CALN1: variants seen among roughly 807,000 people sequenced by gnomAD.
CALN1 encodes the protein calneuron 1, also known as calcium-binding protein 8.
Under a neutral mutation model 30.6 loss-of-function variants are expected in CALN1, and 17 were observed. The observed-to-expected ratio is 0.56, with a 90% CI of 0.38 to 0.83. The LOEUF (loss-of-function observed/expected upper bound fraction) is 0.83, where lower values mean the gene tolerates loss of function less well. Among genes scored for constraint, CALN1 ranks in the 40% least tolerant of loss-of-function variants. The pLI, the probability that CALN1 is intolerant of heterozygous loss-of-function variation, is 0.00. For missense variants in CALN1, 291 were observed against 354.9 expected (o/e 0.82, Z 1.45); for synonymous variants, 156 against 131.4 (o/e 1.19, Z -1.28).
chr7:72,299,383 G>A (rs770790578), intron 2 of CALN1, among the ~76,000 whole-genome samples: 4 of 151,880 alleles, frequency 2.6e-5, no homozygotes, highest in Admixed American at 6.6e-5. Flanking sequence ...TATTTAAGAG[G>A]AGAAAAACTA....
chr7:72,462,756 G>A, the CALN1 span, among the ~76,000 whole-genome samples: 41 of 152,292 alleles, frequency 2.7e-4, 2 homozygotes, highest in Admixed American at 2.6e-3. Flanking sequence ...AGTGTCTGTG[G>A]AAGAGGAGAG....
At chr7:71,853,740 T>C (rs7794887) in intron 5 of CALN1, among the ~76,000 whole-genome samples, 77,245 of 146,092 alleles carry the variant, frequency 0.53, 20,826 homozygotes, top group East Asian at 0.82. Flanking sequence ...CCACCACACC[T>C]GGCTAATTTT....
intron 3 of CALN1, among the ~76,000 whole-genome samples, chr7:72,121,116 A>G (rs1289987056): frequency 5.5e-5 from 8 of 146,676 alleles, no homozygotes; most frequent in Admixed American, 6.9e-5. Context: ...TATAAAATCT[A>G]TATCTATTAT....
At chr7:72,500,754 T>C in the CALN1 span, among the ~76,000 whole-genome samples, 1 of 152,200 alleles carries the variant, frequency 6.6e-6, no homozygotes, top group Admixed American at 6.5e-5. Context: ...GGCACTAATG[T>C]TATTATCTTA....
At chr7:71,836,848 C>T (rs1789641803) in intron 5 of CALN1, among the ~76,000 whole-genome samples, 1 of 151,590 alleles carries the variant, frequency 6.6e-6, no homozygotes, top group South Asian at 2.1e-4. Context: ...AAACTCCCAA[C>T]CTCAAGTCAT....
intron 5 of CALN1, among the ~76,000 whole-genome samples, chr7:71,848,076 G>C (rs1454249881): frequency 6.6e-6 from 1 of 152,194 alleles, no homozygotes; most frequent in Admixed American, 6.5e-5. Flanking sequence ...TGGGCACCCT[G>C]TTGTCTAGTC....
intron 5 of CALN1, among the ~76,000 whole-genome samples, chr7:71,832,217 A>G (rs557434039): frequency 1.6e-4 from 25 of 152,282 alleles, no homozygotes; most frequent in Admixed American, 1.3e-3. Flanking sequence ...GCATTCAGCA[A>G]AGCAAGAGGA....
At chr7:72,504,262 T>A in the CALN1 span, among the ~76,000 whole-genome samples, 1 of 152,270 alleles carries the variant, frequency 6.6e-6, no homozygotes, top group East Asian at 1.9e-4. Context: ...TGAGTCTATT[T>A]CCATGATGAA....
intron 2 of CALN1, among the ~76,000 whole-genome samples, chr7:72,353,913 G>A (rs551760795): frequency 3.5e-4 from 54 of 152,276 alleles, no homozygotes; most frequent in African/African-American, 1.2e-3. Context: ...CAGGCCGGGC[G>A]TAGTGGCTCA....
intron 3 of CALN1, among the ~76,000 whole-genome samples, chr7:72,119,391 A>T (rs976644247): frequency 6.6e-6 from 1 of 152,180 alleles, no homozygotes; most frequent in African/African-American, 2.4e-5. Flanking sequence ...AGCGCAGGAA[A>T]GACCTGACCC....
At chr7:72,210,094 C>A (rs1472127767) in intron 3 of CALN1, among the ~76,000 whole-genome samples, 1 of 152,146 alleles carries the variant, frequency 6.6e-6, no homozygotes, top group African/African-American at 2.4e-5. Flanking sequence ...CCCCTTTTGT[C>A]CTATGAAGAA....
intron 3 of CALN1, among the ~76,000 whole-genome samples, chr7:72,205,551 A>AAATATATACATATATATATATATATAT: frequency 0.013 from 1,113 of 82,646 alleles, 161 homozygotes; most frequent in East Asian, 0.059. Flanking sequence ...GCAAAAAAAA[A>AAATATATACATATATATATATATATAT]ATATATATAT....
chr7:71,997,888 T>C (rs2129528326), intron 5 of CALN1, among the ~76,000 whole-genome samples: 1 of 152,274 alleles, frequency 6.6e-6, no homozygotes, highest in Non-Finnish European at 1.5e-5. Flanking sequence ...TGGTGTGATC[T>C]CAGCTCACTG....
the CALN1 span, among the ~76,000 whole-genome samples, chr7:72,457,174 G>A: frequency 6.6e-6 from 1 of 151,786 alleles, no homozygotes; most frequent in Non-Finnish European, 1.5e-5. Flanking sequence ...ATGCCCAGCT[G>A]ATTTTTTGCA....
intron 5 of CALN1, among the ~76,000 whole-genome samples, chr7:71,973,519 T>C (rs182511324): frequency 4.7e-4 from 71 of 152,186 alleles, no homozygotes; most frequent in African/African-American, 1.6e-3. Context: ...GTTTGCACCA[T>C]AGAAATAATG....
intron 2 of CALN1, among the ~76,000 whole-genome samples, chr7:72,280,442 G>C (rs974834222): frequency 1.3e-5 from 2 of 152,182 alleles, no homozygotes; most frequent in Non-Finnish European, 2.9e-5. Flanking sequence ...TACATCTTCA[G>C]CTAGTTACAA....
At chr7:71,922,929 G>A (rs954571910) in intron 5 of CALN1, among the ~76,000 whole-genome samples, 2 of 146,192 alleles carry the variant, frequency 1.4e-5, no homozygotes, top group African/African-American at 2.5e-5. Context: ...TATACAATGT[G>A]TGCTTATAGA....
intron 3 of CALN1, among the ~76,000 whole-genome samples, chr7:72,109,992 A>G (rs1294843857): frequency 6.6e-6 from 1 of 152,232 alleles, no homozygotes; most frequent in Non-Finnish European, 1.5e-5. Context: ...CTGCGGCTGC[A>G]GTTACTGGAT....
At chr7:72,368,372 CA>C (rs1804009165) in intron 2 of CALN1, among the ~76,000 whole-genome samples, 1 of 151,528 alleles carries the variant, frequency 6.6e-6, no homozygotes, top group Non-Finnish European at 1.5e-5. Flanking sequence ...GCACAGAAAG[CA>C]CATAAGATGG....
Sources: gnomAD v4.1 joint callset for allele counts (sites outside exome capture counted in the v4.1 genomes callset) on GRCh38, gnomAD v4.1.1 for gene constraint, MANE v1.5 for transcripts, NCBI Gene and HGNC (gene_info 2026-07-23, HGNC 2026-07-21) for gene names.